ADGRE2: variants seen among roughly 807,000 people sequenced by gnomAD.
ADGRE2 encodes the protein CD97 antigen.
A neutral mutation model predicts 100.8 loss-of-function variants in ADGRE2; 83 were observed. That is an observed-to-expected ratio of 0.82 (90% CI 0.69 to 0.99). The LOEUF is 0.99. Among genes scored for constraint, ADGRE2 ranks in the 50% least tolerant of loss-of-function variants. The pLI, the probability that ADGRE2 is intolerant of heterozygous loss-of-function variation, is 0.00. For missense variants in ADGRE2, 814 were observed against 1,035.7 expected, an observed-to-expected ratio of 0.79 and a Z score of 2.94; for synonymous variants, 355 against 413.0, an observed-to-expected ratio of 0.86 and a Z score of 1.70.
Position 14,751,487 on chromosome 19 carries a change from G to A in ADGRE2, c.1973C>T (p.Thr658Ile). 6.2e-7 allele frequency: 1 copy of A among 1,614,162 alleles called. No homozygotes were observed. The highest frequency in any genetic ancestry group is 8.5e-7 in the Non-Finnish European group (1 of 1,180,018). Residue 658 changes from threonine (T) to isoleucine (I), a missense_variant, in exon 16 of 21, where the codon ACA (threonine) becomes ATA (isoleucine). Physicochemically the swap from Thr to Ile is moderately conservative, Grantham distance 89. Transcript: ENST00000315576. The stretch of plus-strand genomic sequence containing the variant: ...CCTGGAGGCTGCAGAAATGGCCACT[G>A]TCACAGCTGGGACTCCGTAGCCCAC... The part of the protein sequence containing the change: ...FPVGYGVPAV[T>I]VAISAASRPH...
rs559082969 is a variant in ADGRE2 at position 14,770,973 on chromosome 19, C to T, written c.355+1369G>A. On this transcript the variant is annotated intron_variant, in intron 5 of 20. Coordinates refer to ENST00000315576, the MANE Select transcript of ADGRE2 (RefSeq NM_013447.4). ...GGGATTACAGGCGTGAGCCACTGTG[C>T]CTGGCCCGGAGAGTCCTTTTTCTAA... Among the ~76,000 whole-genome samples, 8 of 152,248 alleles carry T rather than the reference C, an allele frequency of 5.3e-5. No individual in the cohort carries two copies. In the South Asian group the frequency reaches 1.7e-3, roughly 32 times the overall value.
At chr19:14,759,586 TC>T (rs1227727178) in intron 11 of ADGRE2, among the ~76,000 whole-genome samples, 6 of 150,292 alleles carry the variant, frequency 4.0e-5, no homozygotes, top group Non-Finnish European at 7.4e-5. Context: ...AGCCTCTGCC[TC>T]CTGGGTTCCA....
intron 7 of ADGRE2, 141 bp downstream of exon 7, chr19:14,766,094 T>C (rs2147432087): frequency 6.8e-7 from 1 of 1,467,750 alleles, no homozygotes; most frequent in Non-Finnish European, 9.3e-7. Flanking sequence ...CCTTGCTCTT[T>C]TCTCATCTAG....
Position 14,750,196 on chromosome 19 carries a change from A to AGCTATGTT in ADGRE2, c.2024+1239_2024+1240insAACATAGC, listed in dbSNP as rs2043239175. ...GTTATATAATTATTTATAGTTATAT[A>AGCTATGTT]ATATTAATATATAAATTACATAGAT... On this transcript the variant is annotated intron_variant, in intron 16 of 20. Transcript: ENST00000315576. 2.5e-5 allele frequency among the ~76,000 whole-genome samples: 3 copies of AGCTATGTT among 118,466 alleles called. 1 individual carries two copies. Among genetic ancestry groups the AGCTATGTT allele is most frequent in the South Asian group, 6.1e-4 (2 of 3,286 alleles). The allele number at this position is 118,466 out of a possible 152,430, so 77.7% of individuals were successfully genotyped here. A position where few individuals can be genotyped will look rare whatever the true frequency, so the allele number is the denominator to read the frequency against.
rs376108534 is a variant in ADGRE2 at position 14,763,836 on chromosome 19, TCTCTC to T, written c.1084+592_1084+596del. Among the ~76,000 whole-genome samples the T allele has an allele frequency of 3.7e-3, 20 of 5,414 alleles. No individual in the cohort carries two copies. In the South Asian group the frequency reaches 0.066, roughly 18 times the overall value. 3.6% of individuals were successfully genotyped at this position (5,414 alleles called of 152,430 possible). ...CTCCTCTTCCTCCTCTCCTCCTCCT[TCTCTC>T]CTCCTCCTCTCCTCCCCATCCTGTC... On this transcript the variant is annotated intron_variant, in intron 11 of 20. Transcript: ENST00000315576.
the ADGRE2 span, among the ~76,000 whole-genome samples, chr19:14,727,316 C>T: frequency 6.6e-5 from 10 of 152,162 alleles, no homozygotes; most frequent in Non-Finnish European, 1.3e-4. Flanking sequence ...GTGTGAGCCA[C>T]CAAGCCCGGC....
intron 11 of ADGRE2, 152 bp from the exon 12 acceptor site, chr19:14,756,497 C>A (rs2043507066): frequency 9.7e-6 from 6 of 621,282 alleles, no homozygotes; most frequent in Non-Finnish European, 1.7e-5. Flanking sequence ...TGTATATCTA[C>A]AAAGTAGGTA....
chr19:14,736,735 A>AATATAGATATTTAGAAAT (rs969472909), intron 20 of ADGRE2, among the ~76,000 whole-genome samples: 1 of 129,206 alleles, frequency 7.7e-6, no homozygotes, highest in African/African-American at 3.9e-5. Flanking sequence ...GATATTTAGA[A>AATATAGATATTTAGAAAT]ATATAGATAT....
chr19:14,760,407 G>C (rs2043674811), intron 11 of ADGRE2, among the ~76,000 whole-genome samples: 1 of 152,122 alleles, frequency 6.6e-6, no homozygotes, highest in Non-Finnish European at 1.5e-5. Context: ...GTGTGGAGAG[G>C]ATAACCCGTG....
At chr19:14,762,201 T>C (rs1193655536) in intron 11 of ADGRE2, among the ~76,000 whole-genome samples, 1 of 152,018 alleles carries the variant, frequency 6.6e-6, no homozygotes, top group Admixed American at 6.6e-5. Context: ...TTGACTCTTT[T>C]TGTCAACAGC....
chr19:14,731,073 AGCACC>A, downstream of ADGRE2: 1 of 993,966 alleles, frequency 1.0e-6, no homozygotes, highest in Non-Finnish European at 1.5e-6. Flanking sequence ...CCTGGTCTCA[AGCACC>A]GCCCCTCCTG....
chr19:14,734,273 G>A lies in ADGRE2; in HGVS notation c.*1963C>T, dbSNP rs1401547522. On this transcript the variant is annotated 3_prime_UTR_variant, in exon 21 of 21. Transcript: ENST00000315576. ...TCAAGCCTGTAATCCCCGCACTTAG[G>A]GAGGCTGAGGCCTGCGGATTGCCTG... is the stretch of plus-strand genomic sequence containing the variant. 1.3e-5 allele frequency: 2 copies of A among 152,154 alleles called. No homozygotes were observed. Among genetic ancestry groups the A allele is most frequent in the East Asian group, 3.9e-4 (2 of 5,194 alleles). The allele number at this position is 152,154 out of a possible 1,614,324, so 9.4% of individuals were successfully genotyped here. A position where few individuals can be genotyped will look rare whatever the true frequency, so the allele number is the denominator to read the frequency against.
the ADGRE2 span, among the ~76,000 whole-genome samples, chr19:14,725,311 T>C: frequency 2.0e-5 from 3 of 152,160 alleles, no homozygotes; most frequent in South Asian, 2.1e-4. Context: ...ATCTCCAATA[T>C]TGGGGATTAC....
chr19:14,773,080 C>CAAAAAAAAAAAAAAAAAAAAAA (rs35688921), intron 4 of ADGRE2, among the ~76,000 whole-genome samples: 3 of 45,844 alleles, frequency 6.5e-5, no homozygotes, highest in African/African-American at 2.1e-4. Flanking sequence ...GACTCCATCT[C>CAAAAAAAAAAAAAAAAAAAAAA]AAAAAAAAAA....
At chr19:14,769,045 C>T (rs1316473460) in intron 5 of ADGRE2, 1 of 152,228 alleles carries the variant, frequency 6.6e-6, no homozygotes, top group Non-Finnish European at 1.5e-5. Flanking sequence ...ATGCACCACG[C>T]AGTGAGCTCA....
Sources: gnomAD v4.1 joint callset for allele counts (sites outside exome capture counted in the v4.1 genomes callset) on GRCh38, gnomAD v4.1.1 for gene constraint, MANE v1.5 for transcripts, NCBI Gene and HGNC (gene_info 2026-07-23, HGNC 2026-07-21) for gene names.